Variants in ARB2A observed in about 807,000 individuals in gnomAD.
ARB2A encodes the protein cotranscriptional regulator ARB2A.
At chr5:94,014,638 T>C in the ARB2A span, among the ~76,000 whole-genome samples, 7 of 151,764 alleles carry the variant, frequency 4.6e-5, no homozygotes, top group African/African-American at 1.7e-4. Flanking sequence ...CTCATTGATA[T>C]CCAACACAAC....
chr5:93,759,845 G>A, the ARB2A span, among the ~76,000 whole-genome samples: 1 of 152,110 alleles, frequency 6.6e-6, no homozygotes, highest in African/African-American at 2.4e-5. Flanking sequence ...ACAAGACAAG[G>A]ATGTCCACTC....
chr5:94,100,872 A>G, the ARB2A span, among the ~76,000 whole-genome samples: 1 of 152,318 alleles, frequency 6.6e-6, no homozygotes, highest in Admixed American at 6.5e-5. Context: ...TGGACCTAGG[A>G]ACGGGCAAAG....
the ARB2A span, among the ~76,000 whole-genome samples, chr5:93,646,760 T>C: frequency 6.6e-6 from 1 of 151,996 alleles, no homozygotes; most frequent in African/African-American, 2.4e-5. Flanking sequence ...GACTGAGATA[T>C]GGAAAAAACA....
chr5:94,065,944 T>C, the ARB2A span, among the ~76,000 whole-genome samples: 2 of 152,214 alleles, frequency 1.3e-5, no homozygotes, highest in Admixed American at 6.5e-5. Flanking sequence ...TATCAACACA[T>C]GGAGCATTCT....
the ARB2A span, among the ~76,000 whole-genome samples, chr5:94,039,178 G>A: frequency 1.4e-4 from 22 of 152,316 alleles, 1 homozygote; most frequent in South Asian, 3.7e-3. Flanking sequence ...AACATCTGAA[G>A]TTTGAATGTA....
At chr5:94,084,237 G>GCGCTC in the ARB2A span, among the ~76,000 whole-genome samples, 2 of 136,616 alleles carry the variant, frequency 1.5e-5, no homozygotes, top group Non-Finnish European at 3.0e-5. Flanking sequence ...TTGCACTACT[G>GCGCTC]CGCTCCAATC....
At chr5:93,747,309 C>G in the ARB2A span, among the ~76,000 whole-genome samples, 1 of 151,910 alleles carries the variant, frequency 6.6e-6, no homozygotes. Context: ...ATGCTATTAC[C>G]ATCACAAGTT....
the ARB2A span, among the ~76,000 whole-genome samples, chr5:94,002,016 A>G: frequency 6.6e-6 from 1 of 152,066 alleles, no homozygotes; most frequent in East Asian, 1.9e-4. Context: ...TATGAGCTTC[A>G]CAGGTGTTTC....
chr5:93,962,125 T>G, the ARB2A span, among the ~76,000 whole-genome samples: 1 of 152,206 alleles, frequency 6.6e-6, no homozygotes, highest in African/African-American at 2.4e-5. Flanking sequence ...TAAGCTAAGC[T>G]TTCATTAAGG....
At chr5:93,942,606 A>G in the ARB2A span, among the ~76,000 whole-genome samples, 1 of 151,880 alleles carries the variant, frequency 6.6e-6, no homozygotes, top group African/African-American at 2.4e-5. Flanking sequence ...TGTTAAGTTC[A>G]CTTAGAAATA....
the ARB2A span, among the ~76,000 whole-genome samples, chr5:93,634,921 C>G: frequency 6.6e-6 from 1 of 152,136 alleles, no homozygotes; most frequent in East Asian, 1.9e-4. Context: ...ATTACAGGTG[C>G]GTGCCACCAC....
chr5:93,886,346 T>C, the ARB2A span, among the ~76,000 whole-genome samples: 1 of 151,692 alleles, frequency 6.6e-6, no homozygotes, highest in Non-Finnish European at 1.5e-5. Flanking sequence ...TCTGCTTTGG[T>C]CTTCAGGCAA....
the ARB2A span, among the ~76,000 whole-genome samples, chr5:94,035,136 T>G: frequency 1.3e-5 from 2 of 151,894 alleles, no homozygotes; most frequent in Non-Finnish European, 2.9e-5. Context: ...GGAATCCGCC[T>G]TTTCTCCAAG....
chr5:93,844,295 T>G, the ARB2A span, among the ~76,000 whole-genome samples: 1 of 151,726 alleles, frequency 6.6e-6, no homozygotes, highest in African/African-American at 2.4e-5. Flanking sequence ...AATACAAAAA[T>G]TAGCCAGGTG....
At chr5:93,651,932 T>C in the ARB2A span, among the ~76,000 whole-genome samples, 1 of 152,050 alleles carries the variant, frequency 6.6e-6, no homozygotes, top group Admixed American at 6.5e-5. Context: ...GTTAAAAACA[T>C]TACAAAAGGT....
At chr5:93,742,196 C>A in the ARB2A span, among the ~76,000 whole-genome samples, 1 of 152,226 alleles carries the variant, frequency 6.6e-6, no homozygotes, top group East Asian at 1.9e-4. Context: ...CTCCCTGGGG[C>A]AGAACTTTGT....
chr5:93,859,069 T>C, the ARB2A span, among the ~76,000 whole-genome samples: 2 of 151,946 alleles, frequency 1.3e-5, no homozygotes, highest in African/African-American at 2.4e-5. Context: ...TTGAAAGGAA[T>C]AGAACAAAAC....
chr5:93,926,794 T>C, the ARB2A span, among the ~76,000 whole-genome samples: 2 of 151,526 alleles, frequency 1.3e-5, no homozygotes, highest in Admixed American at 1.3e-4. Flanking sequence ...AAGTTTCTAA[T>C]GCAAGTGAAT....
chr5:93,907,674 TC>T, the ARB2A span, among the ~76,000 whole-genome samples: 3 of 151,446 alleles, frequency 2.0e-5, no homozygotes, highest in Non-Finnish European at 4.4e-5. Context: ...ACCAGTAAAG[TC>T]GTAATTGTGT....
Sources: allele counts gnomAD v4.1 joint callset (sites outside exome capture counted in the v4.1 genomes callset), GRCh38; gene constraint gnomAD v4.1.1; transcripts MANE v1.5; gene names NCBI Gene and HGNC (gene_info 2026-07-23, HGNC 2026-07-21).